ERC2: variants seen among roughly 807,000 people sequenced by gnomAD.
The protein encoded by ERC2 is ELKS/RAB6-interacting/CAST family member 2.
Under a neutral mutation model 114.8 loss-of-function variants are expected in ERC2, and 42 were observed. The ratio of observed to expected loss-of-function variants is 0.37; its 90% CI spans 0.29 to 0.47. The LOEUF (loss-of-function observed/expected upper bound fraction) is 0.47, where lower values mean the gene tolerates loss of function less well. Ranked by LOEUF, ERC2 falls within the 20% of genes least tolerant of loss-of-function variation. The pLI, the probability that ERC2 is intolerant of heterozygous loss-of-function variation, is 0.99. For missense variants in ERC2, 939 were observed against 1,150.7 expected, an observed-to-expected ratio of 0.82 and a Z score of 2.66; for synonymous variants, 454 against 425.5, an observed-to-expected ratio of 1.07 and a Z score of -0.82.
intron 15 of ERC2, among the ~76,000 whole-genome samples, chr3:55,714,675 A>ATG (rs1559538991): frequency 0.015 from 96 of 6,474 alleles, 1 homozygote; most frequent in African/African-American, 0.053. Context: ...GTGTATATAT[A>ATG]TATATATATA....
chr3:55,815,003 A>G, intron 14 of ERC2, among the ~76,000 whole-genome samples: 1 of 152,104 alleles, frequency 6.6e-6, no homozygotes, highest in Non-Finnish European at 1.5e-5. Flanking sequence ...GCAGCTGCCC[A>G]TCCCATCTTA....
chr3:56,193,962 C>T (rs977225792), intron 3 of ERC2, among the ~76,000 whole-genome samples: 7 of 152,302 alleles, frequency 4.6e-5, no homozygotes, highest in African/African-American at 1.2e-4. Flanking sequence ...TACCAATAAA[C>T]TGGGACTCAG....
At chr3:56,413,290 C>T (rs995931732) in intron 2 of ERC2, among the ~76,000 whole-genome samples, 2 of 152,248 alleles carry the variant, frequency 1.3e-5, no homozygotes, top group African/African-American at 4.8e-5. Flanking sequence ...TTTCCAGCCT[C>T]TCAGGACAGG....
chr3:55,751,521 A>G (rs2066704992), intron 14 of ERC2, among the ~76,000 whole-genome samples: 1 of 152,144 alleles, frequency 6.6e-6, no homozygotes, highest in Non-Finnish European at 1.5e-5. Context: ...GTATATATAT[A>G]TTGGTGGAAT....
chr3:55,645,243 T>C (rs1212487095), intron 17 of ERC2, among the ~76,000 whole-genome samples: 3 of 152,186 alleles, frequency 2.0e-5, no homozygotes, highest in Admixed American at 1.3e-4. Context: ...TATGGGTTGA[T>C]TTATTTGGCC....
intron 3 of ERC2, among the ~76,000 whole-genome samples, chr3:56,228,544 T>G (rs541414007): frequency 6.6e-6 from 1 of 152,332 alleles, no homozygotes; most frequent in South Asian, 2.1e-4. Context: ...CCTTCCATTT[T>G]AAGTCTGAAT....
At chr3:55,689,194 G>T (rs140409355) in intron 16 of ERC2, among the ~76,000 whole-genome samples, 56 of 152,208 alleles carry the variant, frequency 3.7e-4, no homozygotes, top group Non-Finnish European at 7.1e-4. Context: ...CATCAAGAAC[G>T]TTATAGAAGT....
In ERC2 at chr3:56,195,896, T is replaced by C. The variant is rs546775827; in HGVS notation, c.1075-22376A>G. On this transcript the variant is annotated intron_variant, in intron 3 of 17. Transcript: ENST00000288221. ...GGAAGTCTACTGTCTGCACTTAACA[T>C]TGAATCCTAATAACCTGATCCTTTG... 2.6e-5 allele frequency among the ~76,000 whole-genome samples: 4 copies of C among 152,126 alleles called. No homozygotes were observed. The East Asian group carries it at 5.8e-4, about 22-fold the overall frequency.
intron 2 of ERC2, among the ~76,000 whole-genome samples, chr3:56,404,929 G>A (rs2060655424): frequency 6.6e-6 from 1 of 152,196 alleles, no homozygotes; most frequent in Non-Finnish European, 1.5e-5. Context: ...AAACTTCTCA[G>A]AGGAAGTAGC....
At chr3:55,870,329 C>G (rs1372565458) in intron 14 of ERC2, among the ~76,000 whole-genome samples, 1 of 152,206 alleles carries the variant, frequency 6.6e-6, no homozygotes, top group Admixed American at 6.5e-5. Context: ...CCCGCCTCAG[C>G]CTCCCAAAGT....
chr3:56,409,338 A>C (rs1321846330), intron 2 of ERC2, among the ~76,000 whole-genome samples: 1 of 152,136 alleles, frequency 6.6e-6, no homozygotes, highest in Non-Finnish European at 1.5e-5. Flanking sequence ...TCCTCCTGGG[A>C]ATATATAGAG....
chr3:56,447,248 G>A (rs573762027), intron 1 of ERC2, among the ~76,000 whole-genome samples: 1 of 152,236 alleles, frequency 6.6e-6, no homozygotes, highest in Non-Finnish European at 1.5e-5. Flanking sequence ...CAGAGGGCAC[G>A]CACAGCATCT....
At position 56,139,553 on chromosome 3, in the gene ERC2, A is replaced by T; in HGVS notation, c.1429T>A (p.Ser477Thr). ...CKQHIEVLKE[S>T]LTAKEQRAAI... ...GCCCTCTGTTCTTTGGCAGTAAGTG[A>T]CTCTTTGAGCACTTCAATGTGTTGC... The change falls in exon 6 of 18, where the codon TCA becomes ACA. Residue 477 changes from serine (S) to threonine (T), a missense_variant. Physicochemically the swap from Ser to Thr is moderately conservative, Grantham distance 58 (BLOSUM62 1). Coordinates refer to ENST00000288221, the MANE Select transcript of ERC2 (RefSeq NM_015576.3). The T allele has an allele frequency of 6.2e-7, 1 of 1,613,528 alleles. No individual in the cohort carries two copies. Among genetic ancestry groups the T allele is most frequent in the Non-Finnish European group, 8.5e-7 (1 of 1,179,820 alleles).
intron 3 of ERC2, among the ~76,000 whole-genome samples, chr3:56,217,349 GACAA>G (rs1207173009): frequency 3.3e-5 from 5 of 152,088 alleles, no homozygotes; most frequent in African/African-American, 1.2e-4. Context: ...ACCAATAACA[GACAA>G]ACAGAGAGCC....
intron 13 of ERC2, 82 bp from the exon 14 acceptor site, chr3:55,888,631 C>A: frequency 6.5e-7 from 1 of 1,534,292 alleles, no homozygotes; most frequent in Non-Finnish European, 8.9e-7. Flanking sequence ...GTTCCAACAA[C>A]AAACACAAAG....
intron 14 of ERC2, among the ~76,000 whole-genome samples, chr3:55,787,266 A>G (rs2069587347): frequency 6.6e-6 from 1 of 152,074 alleles, no homozygotes; most frequent in African/African-American, 2.4e-5. Context: ...AAATACAAAA[A>G]TTAGCTGGGT....
intron 3 of ERC2, among the ~76,000 whole-genome samples, chr3:56,267,903 T>C (rs1421550690): frequency 2.0e-5 from 3 of 152,198 alleles, no homozygotes; most frequent in Admixed American, 6.5e-5. Context: ...CAATACATAT[T>C]ATTAACTATA....
At chr3:55,932,326 A>T (rs181815732) in intron 13 of ERC2, among the ~76,000 whole-genome samples, 10 of 152,332 alleles carry the variant, frequency 6.6e-5, no homozygotes, top group Admixed American at 5.2e-4. Flanking sequence ...GATGAAGGCA[A>T]TAATGATGTT....
intron 12 of ERC2, among the ~76,000 whole-genome samples, chr3:55,974,928 A>C (rs1055103481): frequency 6.6e-6 from 1 of 152,164 alleles, no homozygotes; most frequent in African/African-American, 2.4e-5. Flanking sequence ...TCCACCCCAA[A>C]AGAAGCACAT....
Sources: gnomAD v4.1 joint callset for allele counts (sites outside exome capture counted in the v4.1 genomes callset) on GRCh38, gnomAD v4.1.1 for gene constraint, MANE v1.5 for transcripts, NCBI Gene and HGNC (gene_info 2026-07-23, HGNC 2026-07-21) for gene names.